CTDSPL: variants seen among roughly 807,000 people sequenced by gnomAD.
The protein encoded by CTDSPL is CTD small phosphatase like.
In CTDSPL, 8 loss-of-function variants were observed where a neutral mutation model predicts 30.5. That is an observed-to-expected ratio of 0.26 (90% CI 0.15 to 0.47). The LOEUF (loss-of-function observed/expected upper bound fraction) is 0.47. Among genes scored for constraint, CTDSPL ranks in the 20% least tolerant of loss-of-function variants. The pLI, the probability that CTDSPL is intolerant of heterozygous loss-of-function variation, is 0.99. For missense variants in CTDSPL, 248 were observed against 366.1 expected (o/e 0.68, Z 2.63); for synonymous variants, 110 against 137.9 (o/e 0.80, Z 1.42).
At chr3:37,863,348 C>A (rs900660462) in intron 1 of CTDSPL, among the ~76,000 whole-genome samples, 6 of 152,194 alleles carry the variant, frequency 3.9e-5, no homozygotes, top group African/African-American at 1.4e-4. Context: ...CATTCTGTTT[C>A]CTTTTTGTCC....
chr3:37,949,929 A>G (rs1278932745), intron 2 of CTDSPL, among the ~76,000 whole-genome samples: 1 of 152,208 alleles, frequency 6.6e-6, no homozygotes, highest in Middle Eastern at 3.2e-3. Context: ...AGAAGCAGGG[A>G]ACCGCCAACA....
chr3:37,876,790 T>C (rs1698139131), intron 1 of CTDSPL, among the ~76,000 whole-genome samples: 2 of 151,982 alleles, frequency 1.3e-5, no homozygotes, highest in Admixed American at 6.6e-5. Context: ...CTTTTTTTTT[T>C]CAGAAATTCT....
At chr3:37,871,930 AATT>A (rs556519408) in intron 1 of CTDSPL, among the ~76,000 whole-genome samples, 12 of 151,884 alleles carry the variant, frequency 7.9e-5, no homozygotes, top group Non-Finnish European at 1.6e-4. Context: ...TTTTTATCTC[AATT>A]ATTATATTTT....
chr3:37,884,194 G>A (rs1698239294), intron 1 of CTDSPL, among the ~76,000 whole-genome samples: 1 of 151,896 alleles, frequency 6.6e-6, no homozygotes, highest in Admixed American at 6.6e-5. Flanking sequence ...AATCAATAGG[G>A]GACAAGGAAG....
At chr3:37,876,935 G>A (rs917018539) in intron 1 of CTDSPL, among the ~76,000 whole-genome samples, 6 of 151,584 alleles carry the variant, frequency 4.0e-5, no homozygotes, top group African/African-American at 9.7e-5. Context: ...GTGAAACCCC[G>A]TCTCTACTAA....
chr3:37,908,621 A>C (rs560576134), intron 1 of CTDSPL, among the ~76,000 whole-genome samples: 2 of 152,210 alleles, frequency 1.3e-5, no homozygotes, highest in African/African-American at 4.8e-5. Flanking sequence ...TAGCTTCTTC[A>C]TATTTTAAAT....
intron 3 of CTDSPL, among the ~76,000 whole-genome samples, chr3:37,963,008 A>G (rs1699260095): frequency 6.6e-6 from 1 of 152,168 alleles, no homozygotes; most frequent in African/African-American, 2.4e-5. Context: ...TTGCAAATTT[A>G]ATTTTTTAAA....
At chr3:37,887,003 C>A (rs993054179) in intron 1 of CTDSPL, among the ~76,000 whole-genome samples, 125 of 152,170 alleles carry the variant, frequency 8.2e-4, no homozygotes, top group African/African-American at 2.9e-3. Flanking sequence ...CTGATATCAT[C>A]CCTGTGGACA....
intron 2 of CTDSPL, among the ~76,000 whole-genome samples, chr3:37,947,737 C>A (rs1699056027): frequency 1.3e-5 from 2 of 152,182 alleles, no homozygotes; most frequent in South Asian, 2.1e-4. Flanking sequence ...AACATTCTCT[C>A]TTGGGAAGTT....
At chr3:37,934,213 G>C (rs548442451) in intron 1 of CTDSPL, among the ~76,000 whole-genome samples, 2 of 152,022 alleles carry the variant, frequency 1.3e-5, no homozygotes, top group South Asian at 4.1e-4. Context: ...TGTAGTCCCA[G>C]CTATTCAGGA....
intron 2 of CTDSPL, among the ~76,000 whole-genome samples, chr3:37,956,505 C>T (rs1455140399): frequency 6.6e-6 from 1 of 152,194 alleles, no homozygotes; most frequent in Non-Finnish European, 1.5e-5. Flanking sequence ...ATATTTGAGG[C>T]CTTTCCTTGG....
At chr3:37,874,002 T>C in intron 1 of CTDSPL, among the ~76,000 whole-genome samples, 1 of 152,254 alleles carries the variant, frequency 6.6e-6, no homozygotes, top group South Asian at 2.1e-4. Context: ...GCTTTCACTT[T>C]GTTTCTCAGT....
chr3:37,947,240 C>G, intron 2 of CTDSPL, 29 bp downstream of exon 2: 2 of 1,594,158 alleles, frequency 1.3e-6, no homozygotes, highest in Non-Finnish European at 1.7e-6. Flanking sequence ...CTGTGCCCTC[C>G]ATAAAACTGC....
chr3:37,885,260 T>G (rs1698250380), intron 1 of CTDSPL, among the ~76,000 whole-genome samples: 1 of 151,960 alleles, frequency 6.6e-6, no homozygotes, highest in African/African-American at 2.4e-5. Context: ...GGTTTCAGAG[T>G]TTGACATTTT....
chr3:37,884,678 G>A (rs528594890), intron 1 of CTDSPL, among the ~76,000 whole-genome samples: 17 of 152,280 alleles, frequency 1.1e-4, no homozygotes, highest in Non-Finnish European at 2.4e-4. Context: ...AGAAAGATAG[G>A]AGGGCCTGTA....
intron 1 of CTDSPL, among the ~76,000 whole-genome samples, chr3:37,932,443 A>T (rs748414775): frequency 2.0e-5 from 3 of 152,216 alleles, no homozygotes; most frequent in Non-Finnish European, 4.4e-5. Flanking sequence ...CAGTCAAGGG[A>T]TTATGTTGCT....
At chr3:37,901,500 A>C (rs1698450436) in intron 1 of CTDSPL, among the ~76,000 whole-genome samples, 1 of 152,196 alleles carries the variant, frequency 6.6e-6, no homozygotes, top group Admixed American at 6.5e-5. Context: ...AATTTTCTCT[A>C]TTGTCTAAGG....
chr3:37,870,231 C>T (rs910660013), intron 1 of CTDSPL, among the ~76,000 whole-genome samples: 7 of 151,932 alleles, frequency 4.6e-5, no homozygotes, highest in Non-Finnish European at 7.4e-5. Flanking sequence ...ATTGAATTTT[C>T]TTAATAGTTA....
At chr3:37,868,043 G>C (rs1698032478) in intron 1 of CTDSPL, among the ~76,000 whole-genome samples, 1 of 152,050 alleles carries the variant, frequency 6.6e-6, no homozygotes, top group Non-Finnish European at 1.5e-5. Flanking sequence ...ATAGTGTAAT[G>C]ATCAAGTCAG....
Sources: allele counts gnomAD v4.1 joint callset (sites outside exome capture counted in the v4.1 genomes callset), GRCh38; gene constraint gnomAD v4.1.1; transcripts MANE v1.5; gene names NCBI Gene and HGNC (gene_info 2026-07-23, HGNC 2026-07-21).